The following TRIM44 variants were observed in gnomAD, a reference collection of about 807,000 sequenced individuals.
The protein encoded by TRIM44 is tripartite motif containing 44.
In TRIM44, 13 loss-of-function variants were observed where a neutral mutation model predicts 37.4. The observed-to-expected ratio is 0.35, with a 90% CI of 0.23 to 0.55. The LOEUF (loss-of-function observed/expected upper bound fraction) is 0.55, where lower values mean the gene tolerates loss of function less well. Among genes scored for constraint, TRIM44 ranks in the 20% least tolerant of loss-of-function variants. The pLI is 0.89. For missense variants in TRIM44, 426 were observed against 437.2 expected, an observed-to-expected ratio of 0.97 and a Z score of 0.23; for synonymous variants, 175 against 157.2, an observed-to-expected ratio of 1.11 and a Z score of -0.85.
chr11:35,753,204 G>C (rs577973843), intron 4 of TRIM44, among the ~76,000 whole-genome samples: 1 of 151,270 alleles, frequency 6.6e-6, no homozygotes, highest in African/African-American at 2.5e-5. Flanking sequence ...TGATACAATT[G>C]GGGGGGGAGT....
rs140177789 is a variant in TRIM44 at position 35,796,028 on chromosome 11, C to G, written c.1008-10330C>G. 1.8e-3 allele frequency among the ~76,000 whole-genome samples: 280 copies of G among 152,306 alleles called. 2 individuals are homozygous for G. The highest frequency in any genetic ancestry group is 6.5e-3 in the African/African-American group (269 of 41,550). On this transcript the variant is annotated intron_variant, in intron 4 of 4. Transcript: ENST00000299413. ...AGTACGAACACCGACCTCAAAATCA[C>G]ACAGCTAGTAAGTGGCAGAGCTGTG... is the stretch of plus-strand genomic sequence containing the variant.
Position 35,664,631 on chromosome 11 carries a change from T to C in TRIM44, c.669+851T>C, listed in dbSNP as rs1354480935. Among the ~76,000 whole-genome samples the C allele has an allele frequency of 5.9e-5, 9 of 152,350 alleles. No individual in the cohort carries two copies. In the East Asian group the frequency reaches 1.2e-3, roughly 20 times the overall value. On this transcript the variant is annotated intron_variant, in intron 1 of 4. Coordinates refer to ENST00000299413, the MANE Select transcript of TRIM44 (RefSeq NM_017583.6). The stretch of plus-strand genomic sequence containing the variant: ...TCCCTGAATAGGGAATAGCTGGCAT[T>C]GGGATAACAAATACCTTGAGAGTGA...
chr11:35,800,473 C>T (rs1395690519), intron 4 of TRIM44, among the ~76,000 whole-genome samples: 3 of 152,186 alleles, frequency 2.0e-5, no homozygotes, highest in African/African-American at 7.2e-5. Flanking sequence ...TTACAGAGTG[C>T]TGATTGGTGT....
chr11:35,722,671 T>C (rs1852123157), intron 2 of TRIM44, among the ~76,000 whole-genome samples: 1 of 152,208 alleles, frequency 6.6e-6, no homozygotes, highest in Admixed American at 6.5e-5. Context: ...CATCCTATTT[T>C]AGTGGGATTT....
At chr11:35,783,273 T>C (rs999955836) in intron 4 of TRIM44, among the ~76,000 whole-genome samples, 1 of 152,182 alleles carries the variant, frequency 6.6e-6, no homozygotes, top group Non-Finnish European at 1.5e-5. Context: ...AGCCTGATGC[T>C]CTTCTTGCCT....
At chr11:35,779,554 A>G (rs577853638) in intron 4 of TRIM44, among the ~76,000 whole-genome samples, 2 of 152,120 alleles carry the variant, frequency 1.3e-5, no homozygotes, top group Non-Finnish European at 2.9e-5. Flanking sequence ...AGCTGTTCCT[A>G]TTCAGCCATC....
At chr11:35,786,702 G>C (rs1853134667) in intron 4 of TRIM44, among the ~76,000 whole-genome samples, 1 of 151,952 alleles carries the variant, frequency 6.6e-6, no homozygotes, top group African/African-American at 2.4e-5. Context: ...AATTGGACAA[G>C]AGATTATAAT....
rs572857238 is a variant in TRIM44, at chr11:35,808,714, C to T, written c.*2329C>T. The T allele has an allele frequency of 3.0e-4, 46 of 152,316 alleles. No homozygotes were observed. Among genetic ancestry groups the T allele is most frequent in the African/African-American group, 7.7e-4 (32 of 41,564 alleles). The allele number at this position is 152,316 out of a possible 1,614,324, so 9.4% of individuals were successfully genotyped here. On this transcript the variant is annotated 3_prime_UTR_variant, in exon 5 of 5. Transcript: ENST00000299413. ...TTATAGACTCCTGCTGTCTTCAGTA[C>T]CTGATAAAACTTTAACCAGGGAAGC... is the stretch of plus-strand genomic sequence containing the variant.
At chr11:35,770,224 A>G (rs1473023322) in intron 4 of TRIM44, among the ~76,000 whole-genome samples, 2 of 152,200 alleles carry the variant, frequency 1.3e-5, no homozygotes, top group Non-Finnish European at 2.9e-5. Flanking sequence ...TACTGCTGCA[A>G]AGGACATGGT....
At chr11:35,671,272 A>G (rs1006259076) in intron 1 of TRIM44, among the ~76,000 whole-genome samples, 3 of 152,220 alleles carry the variant, frequency 2.0e-5, no homozygotes, top group Non-Finnish European at 2.9e-5. Flanking sequence ...GAGGGACAGG[A>G]AATATCCTTG....
Position 35,789,700 on chromosome 11 carries a change from T to A in TRIM44, c.1008-16658T>A, listed in dbSNP as rs1398346899. 1.3e-5 allele frequency among the ~76,000 whole-genome samples: 2 copies of A among 152,130 alleles called. 1 individual carries two copies. The highest frequency in any genetic ancestry group is 4.1e-4 in the South Asian group (2 of 4,820). ...ACAGTTGCCCCTCAGTTAAGCCGTC[T>A]TAGAGGGCGACCGGGCCTTACTCAG... On this transcript the variant is annotated intron_variant, in intron 4 of 4. Coordinates refer to ENST00000299413, the MANE Select transcript of TRIM44 (RefSeq NM_017583.6).
chr11:35,685,465 A>G, intron 2 of TRIM44, 129 bp downstream of exon 2: 1 of 740,820 alleles, frequency 1.3e-6, no homozygotes, highest in Non-Finnish European at 2.3e-6. Context: ...CCTGCCCATC[A>G]GAAACAGTGT....
chr11:35,806,223 C>A, intron 4 of TRIM44, 135 bp from the exon 5 acceptor site: 1 of 881,176 alleles, frequency 1.1e-6, no homozygotes, highest in Non-Finnish European at 1.8e-6. Flanking sequence ...TGCCTTTGGC[C>A]ATATTGCTCA....
chr11:35,704,979 G>C (rs1851856660), intron 2 of TRIM44, among the ~76,000 whole-genome samples: 1 of 148,272 alleles, frequency 6.7e-6, no homozygotes, highest in Non-Finnish European at 1.5e-5. Context: ...ATTGGATAAA[G>C]AGTCAAGACC....
intron 1 of TRIM44, 127 bp from the exon 2 acceptor site, chr11:35,685,132 T>C (rs899865874): frequency 1.1e-5 from 8 of 697,224 alleles, no homozygotes; most frequent in Non-Finnish European, 1.8e-5. Context: ...CACCTCTCCT[T>C]TGTTGTTTAG....
rs1410161829 is a variant in TRIM44 at position 35,814,931 on chromosome 11, T to C, written c.*8546T>C. 2 of 152,140 alleles carry C rather than the reference T, an allele frequency of 1.3e-5. No individual in the cohort carries two copies. The highest frequency in any genetic ancestry group is 3.9e-4 in the East Asian group (2 of 5,172). 9.4% of individuals were successfully genotyped at this position (152,140 alleles called of 1,614,324 possible). On this transcript the variant is annotated 3_prime_UTR_variant, in exon 5 of 5. Transcript: ENST00000299413. ...CCACTTCCCAATGATAATGCCTGGC[T>C]CGGACCCCAGATTCACATCATACTT... is the stretch of plus-strand genomic sequence containing the variant.
chr11:35,724,960 T>G (rs1212541028), intron 2 of TRIM44, among the ~76,000 whole-genome samples: 1 of 152,110 alleles, frequency 6.6e-6, no homozygotes, highest in Non-Finnish European at 1.5e-5. Flanking sequence ...TATTAAGAGA[T>G]ATAGCCAAGG....
intron 2 of TRIM44, among the ~76,000 whole-genome samples, chr11:35,711,117 A>G (rs2985418): frequency 0.43 from 64,616 of 152,010 alleles, 15,020 homozygotes; most frequent in African/African-American, 0.61. Flanking sequence ...AACCAATGGT[A>G]ATGATAGTTG....
At chr11:35,763,568 T>A (rs959332183) in intron 4 of TRIM44, among the ~76,000 whole-genome samples, 1 of 152,124 alleles carries the variant, frequency 6.6e-6, no homozygotes, top group East Asian at 1.9e-4. Flanking sequence ...GAGTCCTGAG[T>A]TTGATGTGGT....
Sources: allele counts gnomAD v4.1 joint callset (sites outside exome capture counted in the v4.1 genomes callset), GRCh38; gene constraint gnomAD v4.1.1; transcripts MANE v1.5; gene names NCBI Gene and HGNC (gene_info 2026-07-23, HGNC 2026-07-21).